Variants in DENND5B observed in about 807,000 individuals in gnomAD.
The protein encoded by DENND5B is DENN domain containing 5B, also known as DENN domain-containing protein 5B.
A neutral mutation model predicts 140.6 loss-of-function variants in DENND5B; 34 were observed. The ratio of observed to expected loss-of-function variants is 0.24; its 90% CI spans 0.18 to 0.32. The LOEUF (loss-of-function observed/expected upper bound fraction) is 0.32, where lower values mean the gene tolerates loss of function less well. Ranked by LOEUF, DENND5B falls within the 10% of genes least tolerant of loss-of-function variation. DENND5B has a pLI of 1.00. For missense variants in DENND5B, 1,142 were observed against 1,560.2 expected, an observed-to-expected ratio of 0.73 and a Z score of 4.52; for synonymous variants, 551 against 562.1, an observed-to-expected ratio of 0.98 and a Z score of 0.28.
At position 31,480,218 on chromosome 12, in the gene DENND5B, G is replaced by A. The variant is rs199806993; in HGVS notation, c.275C>T (p.Thr92Met). Residue 92 changes from threonine (T) to methionine (M), a missense_variant, in exon 3 of 21, where the codon ACG (threonine) becomes ATG (methionine). This residue lies in a region of DENND5B where 708 missense variants were observed against 905.5 expected (regional missense o/e 0.78). Transcript: ENST00000389082. ...MPKGLSFRTQ[T>M]DNKDPQFHSF... is the part of the protein sequence containing the mutation. ...GTGAAACTGGGGGTCTTTATTGTCC[G>A]TTTGTGTCCTGAAAGATAGCCCTTT... 135 of 1,594,956 alleles carry A rather than the reference G, an allele frequency of 8.5e-5. No homozygotes were observed. The highest frequency in any genetic ancestry group is 1.1e-4 in the East Asian group (5 of 44,496).
intron 8 of DENND5B, among the ~76,000 whole-genome samples, chr12:31,427,826 T>TA (rs1260521055): frequency 6.6e-6 from 1 of 152,138 alleles, no homozygotes; most frequent in Non-Finnish European, 1.5e-5. Context: ...AATCTATCCT[T>TA]ACTATCTTCA....
intron 1 of DENND5B, among the ~76,000 whole-genome samples, chr12:31,536,873 T>C (rs942498877): frequency 1.3e-5 from 2 of 152,100 alleles, no homozygotes; most frequent in Non-Finnish European, 2.9e-5. Context: ...TCCAATACAT[T>C]TGGCAGCAGA....
At chr12:31,388,864 A>G (rs1262689672) in intron 20 of DENND5B, among the ~76,000 whole-genome samples, 1 of 152,212 alleles carries the variant, frequency 6.6e-6, no homozygotes, top group East Asian at 1.9e-4. Context: ...GTAAATATGT[A>G]CAGTGTATGT....
chr12:31,527,124 AAG>A (rs1428791028), intron 1 of DENND5B, among the ~76,000 whole-genome samples: 1 of 152,158 alleles, frequency 6.6e-6, no homozygotes, highest in African/African-American at 2.4e-5. Flanking sequence ...CATGACAGTA[AAG>A]AGCATTGAGG....
chr12:31,521,335 A>G (rs1301803941), intron 1 of DENND5B, among the ~76,000 whole-genome samples: 1 of 147,616 alleles, frequency 6.8e-6, no homozygotes, highest in Non-Finnish European at 1.5e-5. Flanking sequence ...TTTAATATTT[A>G]GAGACAGCGT....
At chr12:31,499,550 G>A (rs1946924168) in intron 1 of DENND5B, 8 of 1,346,708 alleles carry the variant, frequency 5.9e-6, no homozygotes, top group Non-Finnish European at 6.8e-6. Flanking sequence ...TGGGCTTGCA[G>A]TCAATTAAAA....
At chr12:31,481,759 G>A (rs971905484) in intron 2 of DENND5B, among the ~76,000 whole-genome samples, 18 of 152,232 alleles carry the variant, frequency 1.2e-4, no homozygotes, top group African/African-American at 4.3e-4. Context: ...GAACTGTGGG[G>A]AGGACAATGG....
intron 2 of DENND5B, among the ~76,000 whole-genome samples, chr12:31,493,702 G>A (rs1372034185): frequency 6.6e-6 from 1 of 151,988 alleles, no homozygotes; most frequent in African/African-American, 2.4e-5. Flanking sequence ...ATAGTGGTGT[G>A]CGCCTGTAAT....
At chr12:31,400,117 T>C (rs1415655831) in intron 15 of DENND5B, among the ~76,000 whole-genome samples, 1 of 152,190 alleles carries the variant, frequency 6.6e-6, no homozygotes, top group Admixed American at 6.5e-5. Flanking sequence ...CCTTGAAGGG[T>C]AAGAATAATT....
At chr12:31,553,583 T>C (rs879028849) in intron 1 of DENND5B, among the ~76,000 whole-genome samples, 1 of 152,208 alleles carries the variant, frequency 6.6e-6, no homozygotes, top group African/African-American at 2.4e-5. Flanking sequence ...TTAGGTCCAC[T>C]TGGTGCAGAG....
At chr12:31,494,138 T>TTCTATCTATCTATCTATCTA (rs58109707) in intron 2 of DENND5B, among the ~76,000 whole-genome samples, 7 of 139,856 alleles carry the variant, frequency 5.0e-5, no homozygotes, top group African/African-American at 1.1e-4. Context: ...TCTCTCTATC[T>TTCTATCTATCTATCTATCTA]TCTATCTATC....
At position 31,452,202 on chromosome 12, in the gene DENND5B, C is replaced by A. The variant is rs776650601; in HGVS notation, c.1367G>T (p.Arg456Leu). The change falls in exon 5 of 21, where the codon CGC becomes CTC. Residue 456 changes from arginine to leucine, a missense_variant. Transcript: ENST00000389082. ...ELLKGNETIA[R>L]LQALAKRTGV... The stretch of plus-strand genomic sequence containing the variant: ...AGTACGCTTGGCCAGAGCCTGCAAG[C>A]GGGCTATGGTTTCATTGCCCTTCAG... 1.2e-6 allele frequency: 2 copies of A among 1,613,900 alleles called. No individual in the cohort carries two copies. The highest frequency in any genetic ancestry group is 1.7e-6 in the Non-Finnish European group (2 of 1,179,890).
intron 14 of DENND5B, 85 bp downstream of exon 14, chr12:31,409,178 T>C (rs752372950): frequency 4.5e-5 from 61 of 1,364,494 alleles, no homozygotes; most frequent in Non-Finnish European, 5.7e-5. Context: ...ACATGTACTA[T>C]GGCATATCTT....
At chr12:31,447,862 T>C (rs1180575202) in intron 5 of DENND5B, 93 bp from the exon 6 acceptor site, 2 of 871,588 alleles carry the variant, frequency 2.3e-6, no homozygotes, top group Non-Finnish European at 3.5e-6. Flanking sequence ...AGGACATTCC[T>C]TTTTTAAATC....
intron 4 of DENND5B, among the ~76,000 whole-genome samples, chr12:31,459,768 C>T (rs867098024): frequency 1.3e-5 from 2 of 152,086 alleles, no homozygotes; most frequent in South Asian, 2.1e-4. Context: ...TCCATTATCC[C>T]TAGTTTGCTG....
intron 1 of DENND5B, among the ~76,000 whole-genome samples, chr12:31,544,264 A>G (rs543773084): frequency 7.2e-5 from 11 of 152,324 alleles, no homozygotes; most frequent in African/African-American, 2.6e-4. Flanking sequence ...AGAAGATATT[A>G]TCAATGTCAC....
At position 31,402,972 on chromosome 12, in the gene DENND5B, A is replaced by G. The variant is rs115339906; in HGVS notation, c.2804-329T>C. ...AAAGATGTGAACACTGACTGTGTAT[A>G]TTGTGTTTTCATTGCTTAAATTTTC... On this transcript the variant is annotated intron_variant, in intron 14 of 20. Transcript: ENST00000389082. 5.1e-3 allele frequency among the ~76,000 whole-genome samples: 777 copies of G among 152,290 alleles called. 4 individuals are homozygous for G. Among genetic ancestry groups the G allele is most frequent in the African/African-American group, 0.018 (748 of 41,554 alleles).
At chr12:31,527,831 A>T (rs530384966) in intron 1 of DENND5B, among the ~76,000 whole-genome samples, 3 of 152,206 alleles carry the variant, frequency 2.0e-5, no homozygotes, top group African/African-American at 7.2e-5. Flanking sequence ...TTTATGCAAC[A>T]TCACCTATAT....
intron 1 of DENND5B, among the ~76,000 whole-genome samples, chr12:31,583,912 T>C (rs1190966008): frequency 6.6e-6 from 1 of 152,178 alleles, no homozygotes; most frequent in African/African-American, 2.4e-5. Context: ...AAAAACAAAA[T>C]TTAGGTCATT....
Sources: allele counts gnomAD v4.1 joint callset (sites outside exome capture counted in the v4.1 genomes callset), GRCh38; gene constraint gnomAD v4.1.1; regional missense constraint gnomAD v4.1.1; transcripts MANE v1.5; gene names NCBI Gene and HGNC (gene_info 2026-07-23, HGNC 2026-07-21).